The following SBNO1 variants were observed in gnomAD, a reference collection of about 807,000 sequenced individuals.
SBNO1 encodes the protein protein strawberry notch homolog 1.
Under a neutral mutation model 173.6 loss-of-function variants are expected in SBNO1, and 23 were observed. The ratio of observed to expected loss-of-function variants is 0.13; its 90% CI spans 0.10 to 0.19. The LOEUF (loss-of-function observed/expected upper bound fraction) is 0.19, where lower values mean the gene tolerates loss of function less well. SBNO1 is among the 10% of genes least tolerant of loss of function. The pLI is 1.00. For missense variants in SBNO1, 1,238 were observed against 1,671.2 expected (o/e 0.74, Z 4.52); for synonymous variants, 632 against 571.5 (o/e 1.11, Z -1.51).
intron 10 of SBNO1, 120 bp downstream of exon 10, chr12:123,328,611 GTAA>G: frequency 2.8e-6 from 2 of 715,942 alleles, no homozygotes; most frequent in Non-Finnish European, 4.2e-6. Flanking sequence ...TGGACTCTAG[GTAA>G]TCATTAAAGT....
At chr12:123,351,708 C>A (rs973718918) in intron 1 of SBNO1, among the ~76,000 whole-genome samples, 1 of 152,132 alleles carries the variant, frequency 6.6e-6, no homozygotes, top group South Asian at 2.1e-4. Flanking sequence ...AGAATGACAT[C>A]TTGGGAAACT....
chr12:123,299,400 G>A (rs1348811959), intron 30 of SBNO1, among the ~76,000 whole-genome samples: 1 of 151,330 alleles, frequency 6.6e-6, no homozygotes, highest in Non-Finnish European at 1.5e-5. Context: ...ACAAAAAACT[G>A]GCTGGGCACG....
chr12:123,352,105 C>T (rs911884749), intron 1 of SBNO1, among the ~76,000 whole-genome samples: 2 of 152,010 alleles, frequency 1.3e-5, no homozygotes, highest in Admixed American at 6.6e-5. Context: ...GGAAAAAGAG[C>T]TTTCTAAATT....
chr12:123,345,329 T>C lies in SBNO1; in HGVS notation c.479A>G (p.Asn160Ser). The change falls in exon 4 of 32, where the codon AAT (asparagine) becomes AGT (serine). Residue 160 changes from asparagine to serine, a missense_variant. By Grantham distance (46) the Asn-to-Ser change is conservative. Transcript: ENST00000602398. ...TTTCATCAGTTCATTAAGACTATTA[T>C]TTTTCAGTAGATCTTTAAGCTGAAC... ...DQVQLKDLLK[N>S]NSLNELMKLK... 6.2e-7 allele frequency: 1 copy of C among 1,614,192 alleles called. No homozygotes were observed. The highest frequency in any genetic ancestry group is 8.5e-7 in the Non-Finnish European group (1 of 1,180,008).
chr12:123,345,840 T>G (rs1362379478), intron 3 of SBNO1, among the ~76,000 whole-genome samples: 1 of 152,168 alleles, frequency 6.6e-6, no homozygotes, highest in Non-Finnish European at 1.5e-5. Context: ...CGGCAAATTT[T>G]TTTTAGAGAT....
chr12:123,315,466 A>G (rs1256513579), intron 22 of SBNO1, 22 bp from the exon 23 acceptor site: 1 of 1,604,544 alleles, frequency 6.2e-7, no homozygotes, highest in Admixed American at 1.7e-5. Context: ...AAAAATTTCA[A>G]TCAAGGCACA....
At chr12:123,348,934 TG>T (rs1873549514) in intron 2 of SBNO1, 1 of 149,300 alleles carries the variant, frequency 6.7e-6, no homozygotes, top group Admixed American at 6.7e-5. Context: ...CACTCCAGCC[TG>T]GGTGACAGAG....
intron 14 of SBNO1, among the ~76,000 whole-genome samples, chr12:123,325,866 G>A (rs1870554355): frequency 6.6e-6 from 1 of 152,042 alleles, no homozygotes; most frequent in African/African-American, 2.4e-5. Flanking sequence ...GCTTTAAGTA[G>A]ATAAATATTC....
At chr12:123,311,712 CTATCTATCTATATA>C (rs772520510) in intron 24 of SBNO1, among the ~76,000 whole-genome samples, 8 of 69,068 alleles carry the variant, frequency 1.2e-4, no homozygotes, top group South Asian at 5.3e-4. Context: ...ATCTATCTAT[CTATCTATCTATATA>C]TATATATATA....
chr12:123,347,077 CAAAA>C (rs397957462), intron 3 of SBNO1, among the ~76,000 whole-genome samples: 2 of 109,690 alleles, frequency 1.8e-5, no homozygotes. Flanking sequence ...GTCTCCGTCT[CAAAA>C]AAAAAAAAAA....
In SBNO1 at chr12:123,313,201, AAAATAAATAAAT is replaced by A. The variant is rs370130754; in HGVS notation, c.3220+407_3220+418del. Among the ~76,000 whole-genome samples, 2,885 of 138,322 alleles carry A rather than the reference AAAATAAATAAAT, an allele frequency of 0.021. 167 individuals carry two copies. In the East Asian group the frequency reaches 0.24, roughly 11 times the overall value. The allele number at this position is 138,322 out of a possible 152,430, so 90.7% of individuals were successfully genotyped here. A position where few individuals can be genotyped will look rare whatever the true frequency, so the allele number is the denominator to read the frequency against. The stretch of plus-strand genomic sequence containing the variant: ...TGGCGACAGAGCAAGACTCGGTCTT[AAAATAAATAAAT>A]AAATAAATAAATAAATAAATAAATA... On this transcript the variant is annotated intron_variant, in intron 24 of 31. Transcript: ENST00000602398.
chr12:123,331,763 G>A (rs923689339), intron 7 of SBNO1, among the ~76,000 whole-genome samples: 32 of 151,386 alleles, frequency 2.1e-4, no homozygotes, highest in African/African-American at 7.3e-5. Context: ...CTCGTGATCC[G>A]CCCGCCTCAG....
chr12:123,307,903 C>G (rs1373050146), intron 28 of SBNO1, among the ~76,000 whole-genome samples: 1 of 152,152 alleles, frequency 6.6e-6, no homozygotes, highest in Non-Finnish European at 1.5e-5. Context: ...GAAACCCTGT[C>G]TCTACTAAAA....
chr12:123,358,586 GA>G (rs1202598440), intron 1 of SBNO1, among the ~76,000 whole-genome samples: 1 of 151,198 alleles, frequency 6.6e-6, no homozygotes, highest in Non-Finnish European at 1.5e-5. Context: ...CTAAAAATAC[GA>G]AAAAAATTAG....
At chr12:123,348,183 C>A (rs1398908238) in intron 2 of SBNO1, 50 bp from the exon 3 acceptor site, 1 of 1,042,596 alleles carries the variant, frequency 9.6e-7, no homozygotes, top group South Asian at 1.3e-5. Flanking sequence ...GCAGTAAATT[C>A]TGTTTCAAGG....
intron 1 of SBNO1, among the ~76,000 whole-genome samples, chr12:123,353,251 C>T (rs1874085023): frequency 6.6e-6 from 1 of 152,084 alleles, no homozygotes; most frequent in African/African-American, 2.4e-5. Flanking sequence ...CAAAACAACC[C>T]TGAGTGAGAT....
intron 24 of SBNO1, among the ~76,000 whole-genome samples, chr12:123,311,340 G>A (rs1868472457): frequency 6.6e-6 from 1 of 152,042 alleles, no homozygotes; most frequent in Non-Finnish European, 1.5e-5. Context: ...AGGGTTAAGG[G>A]GACTGTATTA....
intron 1 of SBNO1, among the ~76,000 whole-genome samples, chr12:123,361,251 T>C (rs879328970): frequency 1.3e-5 from 2 of 148,178 alleles, no homozygotes; most frequent in Non-Finnish European, 3.0e-5. Context: ...CTCAAAAAAA[T>C]AAAAAATAGA....
intron 4 of SBNO1, among the ~76,000 whole-genome samples, chr12:123,343,234 CAA>C (rs915571563): frequency 1.3e-5 from 2 of 151,384 alleles, no homozygotes; most frequent in Non-Finnish European, 2.9e-5. Context: ...CTTCGTCTCA[CAA>C]AAAAATAAAA....
Sources: allele counts gnomAD v4.1 joint callset (sites outside exome capture counted in the v4.1 genomes callset), GRCh38; gene constraint gnomAD v4.1.1; transcripts MANE v1.5; gene names NCBI Gene and HGNC (gene_info 2026-07-23, HGNC 2026-07-21).